Variants in MAPKAP1 observed in about 807,000 individuals in gnomAD.
MAPKAP1 encodes target of rapamycin complex 2 subunit MAPKAP1.
In MAPKAP1, 20 loss-of-function variants were observed where a neutral mutation model predicts 65.7. The observed-to-expected ratio is 0.30, with a 90% confidence interval of 0.21 to 0.44. The LOEUF is 0.44. Among genes scored for constraint, MAPKAP1 ranks in the 20% least tolerant of loss-of-function variants. The pLI is 1.00. For synonymous variants in MAPKAP1, 222 were observed against 244.3 expected (o/e 0.91, Z 0.85); for missense variants, 423 against 648.0 (o/e 0.65, Z 3.77).
At chr9:125,605,685 TGCTGCAGTCAGCTGGAATTTGGCTCCA>T (rs1454809576) in intron 4 of MAPKAP1, among the ~76,000 whole-genome samples, 1 of 152,194 alleles carries the variant, frequency 6.6e-6, no homozygotes, top group Non-Finnish European at 1.5e-5. Context: ...ACTTTGCAGG[TGCTGCAGTCAGCTGGAATTTGGCTCCA>T]GCTGCTCAGA....
rs144144133 is a variant in MAPKAP1, at chr9:125,447,005, A to G, written c.1346-2407T>C. On this transcript the variant is annotated intron_variant, in intron 10 of 11. Coordinates refer to ENST00000265960, the MANE Select transcript of MAPKAP1 (RefSeq NM_001006617.3). The surrounding 1 kb of genome is among the most constrained non-coding windows in gnomAD (Gnocchi z 4.5). ...CCCCTTGGGACTATGGTGCTTGTGA[A>G]GCATGTCAATTGTGGGCTGACAGAG... Among the ~76,000 whole-genome samples the G allele has an allele frequency of 4.5e-3, 686 of 152,314 alleles. 7 individuals carry two copies. The highest frequency in any genetic ancestry group is 0.016 in the African/African-American group (644 of 41,542).
chr9:125,639,807 C>A (rs1426414449), intron 4 of MAPKAP1, among the ~76,000 whole-genome samples: 1 of 152,090 alleles, frequency 6.6e-6, no homozygotes, highest in African/African-American at 2.4e-5. Context: ...ATACAAAAGA[C>A]CTGAATCAGA....
chr9:125,692,047 C>T (rs1835186586), intron 1 of MAPKAP1, among the ~76,000 whole-genome samples: 1 of 152,192 alleles, frequency 6.6e-6, no homozygotes, highest in African/African-American at 2.4e-5. Flanking sequence ...AGGAGGCTGA[C>T]CTTATGCATT....
rs542712886 is a variant in MAPKAP1, at chr9:125,505,124, G to T, written c.1066+1186C>A. ...ACATTTTGGGAAGCCAAGGTAGAAG[G>T]ATTGCTTGAGACCAAGAGTTTGAAC... On this transcript the variant is annotated intron_variant, in intron 8 of 11. Coordinates refer to ENST00000265960, the MANE Select transcript of MAPKAP1 (RefSeq NM_001006617.3). Among the ~76,000 whole-genome samples, 3 of 152,238 alleles carry T rather than the reference G, an allele frequency of 2.0e-5. No homozygotes were observed. In the East Asian group the frequency reaches 5.8e-4, roughly 29 times the overall value.
chr9:125,553,552 G>A (rs897210323), intron 6 of MAPKAP1, among the ~76,000 whole-genome samples: 1 of 151,596 alleles, frequency 6.6e-6, no homozygotes, highest in Non-Finnish European at 1.5e-5. Flanking sequence ...AAAAAAATGG[G>A]AGGGGAGGGG....
chr9:125,561,553 TAAAAAC>T (rs1435488970), intron 5 of MAPKAP1, among the ~76,000 whole-genome samples: 1 of 152,160 alleles, frequency 6.6e-6, no homozygotes, highest in African/African-American at 2.4e-5. Context: ...GGTACTAACT[TAAAAAC>T]AGAACAATTA....
intron 7 of MAPKAP1, among the ~76,000 whole-genome samples, chr9:125,541,955 G>C (rs1047459055): frequency 1.3e-5 from 2 of 152,220 alleles, no homozygotes; most frequent in Non-Finnish European, 2.9e-5. Context: ...GGCACATCTG[G>C]ACGGAGCCGC....
intron 8 of MAPKAP1, among the ~76,000 whole-genome samples, chr9:125,490,121 G>A (rs1225986189): frequency 1.3e-5 from 2 of 152,130 alleles, no homozygotes; most frequent in African/African-American, 4.8e-5. Flanking sequence ...TGGGTCCTAT[G>A]GTGGTGGTGG....
At chr9:125,566,525 C>T (rs1831057309) in intron 5 of MAPKAP1, among the ~76,000 whole-genome samples, 1 of 151,906 alleles carries the variant, frequency 6.6e-6, no homozygotes, top group Non-Finnish European at 1.5e-5. Flanking sequence ...GATTGCACCC[C>T]TGCAGCAGCA....
intron 5 of MAPKAP1, among the ~76,000 whole-genome samples, chr9:125,564,680 G>GGACTGAAT (rs1453941869): frequency 6.6e-6 from 1 of 152,156 alleles, no homozygotes; most frequent in Non-Finnish European, 1.5e-5. Context: ...GGTCTTGTAA[G>GGACTGAAT]GATTGAATGA....
At chr9:125,456,458 T>A (rs983911743) in intron 10 of MAPKAP1, among the ~76,000 whole-genome samples, 13 of 152,254 alleles carry the variant, frequency 8.5e-5, no homozygotes, top group Admixed American at 8.5e-4. Context: ...GATTCTGAAA[T>A]GGCTCCCAAT....
chr9:125,514,230 G>C (rs1829395018), intron 7 of MAPKAP1, among the ~76,000 whole-genome samples: 1 of 152,148 alleles, frequency 6.6e-6, no homozygotes. Context: ...CCTCAGGGAA[G>C]GGGAGGGTGG....
intron 5 of MAPKAP1, among the ~76,000 whole-genome samples, chr9:125,585,334 A>C (rs1831747315): frequency 6.6e-6 from 1 of 152,218 alleles, no homozygotes; most frequent in South Asian, 2.1e-4. Flanking sequence ...AAATTACTAA[A>C]AATCCATGTT....
At chr9:125,541,978 T>C (rs1385721462) in intron 7 of MAPKAP1, among the ~76,000 whole-genome samples, 3 of 152,180 alleles carry the variant, frequency 2.0e-5, no homozygotes, top group Non-Finnish European at 2.9e-5. Context: ...CAGCCGAGGG[T>C]GAACAATGAC....
chr9:125,464,718 A>T (rs1853616923), intron 10 of MAPKAP1, among the ~76,000 whole-genome samples: 1 of 152,196 alleles, frequency 6.6e-6, no homozygotes, highest in Non-Finnish European at 1.5e-5. Flanking sequence ...TTTACGAAGC[A>T]CGGCTTCTGA....
intron 4 of MAPKAP1, among the ~76,000 whole-genome samples, chr9:125,619,455 C>T (rs545653359): frequency 2.0e-4 from 30 of 149,834 alleles, no homozygotes; most frequent in African/African-American, 4.2e-4. Context: ...CCGGCCTGGG[C>T]GAAAGAGCAA....
At chr9:125,519,652 T>TTATATA (rs146480033) in intron 7 of MAPKAP1, among the ~76,000 whole-genome samples, 32,508 of 141,440 alleles carry the variant, frequency 0.23, 4,438 homozygotes, top group Non-Finnish European at 0.31. Context: ...TATATGTCTT[T>TTATATA]TATATATATA....
intron 8 of MAPKAP1, among the ~76,000 whole-genome samples, chr9:125,495,341 G>T: frequency 6.6e-6 from 1 of 152,116 alleles, no homozygotes; most frequent in Admixed American, 6.5e-5. Flanking sequence ...AGGACCTTCA[G>T]GGCGAATTCT....
At chr9:125,442,707 C>T (rs780081434) in intron 11 of MAPKAP1, among the ~76,000 whole-genome samples, 2 of 152,102 alleles carry the variant, frequency 1.3e-5, no homozygotes, top group Non-Finnish European at 2.9e-5. Flanking sequence ...ACTCCTTGGT[C>T]CAAGGAGGGG....
Sources: gnomAD v4.1 joint callset for allele counts (sites outside exome capture counted in the v4.1 genomes callset) on GRCh38, gnomAD v4.1.1 for gene constraint, Gnocchi (gnomAD v3.1) non-coding constraint, MANE v1.5 for transcripts, NCBI Gene and HGNC (gene_info 2026-07-23, HGNC 2026-07-21) for gene names.